The following TULP4 variants were observed in gnomAD, a reference collection of about 807,000 sequenced individuals.
TULP4 encodes TUB like protein 4, also known as tubby-related protein 4.
Under a neutral mutation model 129.0 loss-of-function variants are expected in TULP4, and 16 were observed. The ratio of observed to expected loss-of-function variants is 0.12; its 90% CI spans 0.08 to 0.19. The LOEUF (loss-of-function observed/expected upper bound fraction) is 0.19. Among genes scored for constraint, TULP4 ranks in the 10% least tolerant of loss-of-function variants. TULP4 has a pLI of 1.00. For missense variants in TULP4, 1,842 were observed against 2,059.1 expected (o/e 0.89, Z 2.04); for synonymous variants, 998 against 854.0 (o/e 1.17, Z -2.94).
chr6:158,321,908 A>G (rs1399073854), intron 1 of TULP4, among the ~76,000 whole-genome samples: 2 of 152,196 alleles, frequency 1.3e-5, no homozygotes, highest in African/African-American at 4.8e-5. Context: ...AATTCCAAAA[A>G]GGATGGGAAT....
rs1026255623 is a variant in TULP4 at position 158,511,675 on chromosome 6, G to C, written c.*4981G>C. 6.6e-6 allele frequency: 1 copy of C among 152,368 alleles called. No homozygotes were observed. Among genetic ancestry groups the C allele is most frequent in the African/African-American group, 2.4e-5 (1 of 41,400 alleles). 9.4% of individuals were successfully genotyped at this position (152,368 alleles called of 1,614,324 possible). A position where few individuals can be genotyped will look rare whatever the true frequency, so the allele number is the denominator to read the frequency against. On this transcript the variant is annotated 3_prime_UTR_variant, in exon 14 of 14. Coordinates refer to ENST00000367097, the MANE Select transcript of TULP4 (RefSeq NM_020245.5). ...GATTGTGCAGGAGATATTCTAGAAG[G>C]CATTAATGGTTTGCATTCAAAACGA...
At chr6:158,403,587 G>A (rs140516188) in intron 1 of TULP4, among the ~76,000 whole-genome samples, 4 of 152,062 alleles carry the variant, frequency 2.6e-5, no homozygotes, top group Non-Finnish European at 4.4e-5. Flanking sequence ...TGATCCGCCC[G>A]CCTCGGCCTC....
intron 1 of TULP4, among the ~76,000 whole-genome samples, chr6:158,261,386 C>T (rs4710167): frequency 0.33 from 50,009 of 152,080 alleles, 9,218 homozygotes; most frequent in Admixed American, 0.45. Flanking sequence ...GCTACAAGTA[C>T]ACTTTTTCCT....
At chr6:158,318,164 A>C (rs1042920465) in intron 1 of TULP4, among the ~76,000 whole-genome samples, 1 of 152,048 alleles carries the variant, frequency 6.6e-6, no homozygotes, top group Non-Finnish European at 1.5e-5. Flanking sequence ...CTCATATTAG[A>C]ATCTGTTCCA....
rs137972559 is a variant in TULP4, at chr6:158,448,521, T to A, written c.544-475T>A. Reference sequence around the variant, plus strand: ...TTTCAGGAGCATCTTCTTTTCCAAATATGGTTATATAACATGCTTACATAA... The same window carrying A: ...TTTCAGGAGCATCTTCTTTTCCAAAAATGGTTATATAACATGCTTACATAA... On this transcript the variant is annotated intron_variant, in intron 3 of 13. Coordinates refer to ENST00000367097, the MANE Select transcript of TULP4 (RefSeq NM_020245.5). Among the ~76,000 whole-genome samples the A allele has an allele frequency of 2.6e-3, 392 of 152,338 alleles. 5 individuals carry two copies. Among genetic ancestry groups the A allele is most frequent in the African/African-American group, 9.2e-3 (382 of 41,582 alleles).
chr6:158,419,984 A>G (rs1020267049), intron 2 of TULP4, among the ~76,000 whole-genome samples: 36 of 152,330 alleles, frequency 2.4e-4, no homozygotes, highest in African/African-American at 8.7e-4. Context: ...TAGACAACAT[A>G]CTTTTTTCTC....
intron 1 of TULP4, among the ~76,000 whole-genome samples, chr6:158,294,311 C>T (rs946226716): frequency 4.6e-5 from 7 of 150,690 alleles, no homozygotes; most frequent in Admixed American, 4.0e-4. Context: ...TGCAATGAGC[C>T]GAGACCGTGC....
rs745898509 is a variant in TULP4, at chr6:158,481,171, G to C, written c.1368G>C (p.Pro456=). Residue 456 remains proline (P), a synonymous_variant, in exon 8 of 14, where the codon CCG becomes CCC. Coordinates refer to ENST00000367097, the MANE Select transcript of TULP4 (RefSeq NM_020245.5). Reference sequence around the variant, plus strand: ...AGGACGACCCGGAGGTGGGCGGCCCGTGCTACACGCTCTACCTGGAGTACC... The same window carrying C: ...AGGACGACCCGGAGGTGGGCGGCCCCTGCTACACGCTCTACCTGGAGTACC... ...RTEDDPEVGG[P]CYTLYLEYLG... 1 of 1,614,220 alleles carries C rather than the reference G, an allele frequency of 6.2e-7. No homozygotes were observed. Among genetic ancestry groups the C allele is most frequent in the Non-Finnish European group, 8.5e-7 (1 of 1,180,036 alleles).
At chr6:158,480,873 T>C (rs1417802362) in intron 7 of TULP4, among the ~76,000 whole-genome samples, 182 bp from the exon 8 acceptor site, 5 of 152,190 alleles carry the variant, frequency 3.3e-5, no homozygotes, top group Non-Finnish European at 5.9e-5. Flanking sequence ...GATTCTCACA[T>C]GCTCCTACCA....
At chr6:158,351,100 A>G (rs190092741) in intron 1 of TULP4, among the ~76,000 whole-genome samples, 2 of 152,060 alleles carry the variant, frequency 1.3e-5, no homozygotes, top group African/African-American at 2.4e-5. Flanking sequence ...ACAGAGTTCA[A>G]ATGGGTGCGA....
Position 158,242,222 on chromosome 6 carries a change from C to A in TULP4, n.68+9919C>A, listed in dbSNP as rs1017520178. On this transcript the variant is annotated intron_variant and non_coding_transcript_variant, in intron 1 of 1. Transcript: ENST00000620026. ...AATGAATGGTGGCAAAGACCTTCAGCTTTTTGTAGGATGTTCATGGCCTGG... is the reference window on the plus strand; with the variant it reads ...AATGAATGGTGGCAAAGACCTTCAGATTTTTGTAGGATGTTCATGGCCTGG... 10 of 1,511,066 alleles carry A rather than the reference C, an allele frequency of 6.6e-6. No individual in the cohort carries two copies. In the African/African-American group the frequency reaches 1.4e-4, roughly 21 times the overall value. The allele number at this position is 1,511,066 out of a possible 1,614,324, so 93.6% of individuals were successfully genotyped here.
chr6:158,469,859 A>G (rs1422324422), intron 6 of TULP4, among the ~76,000 whole-genome samples: 1 of 151,838 alleles, frequency 6.6e-6, no homozygotes, highest in Non-Finnish European at 1.5e-5. Context: ...TGTCATAGAG[A>G]GCTGTTACCA....
intron 1 of TULP4, among the ~76,000 whole-genome samples, chr6:158,391,838 G>A (rs547315969): frequency 1.3e-3 from 110 of 83,928 alleles, no homozygotes; most frequent in African/African-American, 4.6e-3. Flanking sequence ...GTTACCTCTA[G>A]TGGCTAAGCA....
At chr6:158,363,665 T>C (rs1250866298) in intron 1 of TULP4, among the ~76,000 whole-genome samples, 1 of 152,176 alleles carries the variant, frequency 6.6e-6, no homozygotes, top group Non-Finnish European at 1.5e-5. Flanking sequence ...TTTGTATTTT[T>C]AGTAGAAATG....
chr6:158,350,810 G>C (rs1003139345), intron 1 of TULP4, among the ~76,000 whole-genome samples: 1 of 151,840 alleles, frequency 6.6e-6, no homozygotes, highest in Non-Finnish European at 1.5e-5. Flanking sequence ...GCCCAGGCTG[G>C]AGTGAAGTGG....
intron 1 of TULP4, among the ~76,000 whole-genome samples, chr6:158,303,051 G>C (rs1371560796): frequency 2.0e-5 from 3 of 147,158 alleles, no homozygotes; most frequent in Non-Finnish European, 3.0e-5. Context: ...GTATCTAGTA[G>C]GCCCTTAAAC....
chr6:158,250,833 C>T (rs1313455608), intron 1 of TULP4, among the ~76,000 whole-genome samples: 2 of 152,190 alleles, frequency 1.3e-5, no homozygotes, highest in African/African-American at 4.8e-5. Context: ...GTATACAAGA[C>T]AGCCAAAACT....
chr6:158,459,712 C>G (rs556835254), intron 5 of TULP4, among the ~76,000 whole-genome samples: 43 of 152,284 alleles, frequency 2.8e-4, no homozygotes, highest in African/African-American at 1.0e-3. Context: ...AATTTCATGT[C>G]GTCATCTTTA....
chr6:158,309,492 G>A (rs534590710), upstream of TULP4, among the ~76,000 whole-genome samples: 5,315 of 151,630 alleles, frequency 0.035, 107 homozygotes, highest in Non-Finnish European at 0.041. Context: ...ACGGGGTGGC[G>A]GCCGGGCAGA....
Sources: allele counts gnomAD v4.1 joint callset (sites outside exome capture counted in the v4.1 genomes callset), GRCh38; gene constraint gnomAD v4.1.1; transcripts MANE v1.5; gene names NCBI Gene and HGNC (gene_info 2026-07-23, HGNC 2026-07-21).